The following ZGLP1 variants were observed in gnomAD, a reference collection of about 807,000 sequenced individuals.
The protein encoded by ZGLP1 is GATA-type zinc finger protein 1.
In ZGLP1, 11 loss-of-function variants were observed where a neutral mutation model predicts 21.4. That is an observed-to-expected ratio of 0.51 (90% CI 0.32 to 0.85). The LOEUF (loss-of-function observed/expected upper bound fraction) is 0.85, where lower values mean the gene tolerates loss of function less well. Ranked by LOEUF, ZGLP1 falls within the 40% of genes least tolerant of loss-of-function variation. The pLI is 0.03. For missense variants in ZGLP1, 295 were observed against 355.6 expected (o/e 0.83, Z 1.37); for synonymous variants, 148 against 145.0 (o/e 1.02, Z -0.15).
rs986672261 is a variant in ZGLP1, at chr19:10,305,693, T to C, written c.604+153A>G. On this transcript the variant is annotated intron_variant, in intron 2 of 3. Transcript: ENST00000403903. The surrounding 1 kb of genome is among the most constrained non-coding windows in gnomAD (Gnocchi z 4.7). The stretch of plus-strand genomic sequence containing the variant: ...CAGAGGAGGAAGCTGGGGGTGGGGG[T>C]GACTCAGCCCAAGTGGAGGGGGGTG... 2.8e-6 allele frequency: 2 copies of C among 724,874 alleles called. No individual in the cohort carries two copies. Among genetic ancestry groups the C allele is most frequent in the Non-Finnish European group, 4.6e-6 (2 of 431,368 alleles). 44.9% of individuals were successfully genotyped at this position (724,874 alleles called of 1,614,324 possible). A position where few individuals can be genotyped will look rare whatever the true frequency, so the allele number is the denominator to read the frequency against.
chr19:10,309,648 C>T (rs984026215), exon 1 of ZGLP1: 1 of 152,446 alleles, frequency 6.6e-6, no homozygotes, highest in African/African-American at 2.4e-5. Context: ...CGGCACCTTT[C>T]CTCTTTCTGG....
At chr19:10,307,346 CTTTTTTTTT>C (rs543276157) in intron 1 of ZGLP1, among the ~76,000 whole-genome samples, 1 of 122,988 alleles carries the variant, frequency 8.1e-6, no homozygotes, top group Non-Finnish European at 1.7e-5. Flanking sequence ...CTTCCCAAAG[CTTTTTTTTT>C]TTTTTTTTTA....
exon 1 of ZGLP1, chr19:10,308,732 C>A: frequency 1.4e-6 from 2 of 1,421,912 alleles, no homozygotes. Context: ...CAACTCACCT[C>A]GCCCACTGTG....
At chr19:10,306,528 T>C (rs2040280389) in intron 1 of ZGLP1, among the ~76,000 whole-genome samples, 1 of 152,138 alleles carries the variant, frequency 6.6e-6, no homozygotes, top group Non-Finnish European at 1.5e-5. Flanking sequence ...TCCTACTCTG[T>C]GCCTCAGTTT....
intron 1 of ZGLP1, among the ~76,000 whole-genome samples, chr19:10,307,031 G>A (rs1193118846): frequency 2.0e-5 from 3 of 151,840 alleles, no homozygotes; most frequent in Admixed American, 2.0e-4. Flanking sequence ...CTACTCCAGA[G>A]GCTGAGGCAG....
chr19:10,306,605 T>C (rs1318024687), intron 1 of ZGLP1, among the ~76,000 whole-genome samples: 2 of 151,962 alleles, frequency 1.3e-5, no homozygotes, highest in Non-Finnish European at 2.9e-5. Flanking sequence ...ATTTATTGAT[T>C]TTTAAAAAGA....
rs2040275196 is a variant in ZGLP1, at chr19:10,305,705, A to T, written c.604+141T>A. Reference sequence around the variant, plus strand: ...CTGGGGGTGGGGGTGACTCAGCCCAAGTGGAGGGGGGTGCTGCGACTCCTC... The same window carrying T: ...CTGGGGGTGGGGGTGACTCAGCCCATGTGGAGGGGGGTGCTGCGACTCCTC... On this transcript the variant is annotated intron_variant, in intron 2 of 3. Coordinates refer to ENST00000403903, the Ensembl canonical transcript of ZGLP1. This position sits in a 1 kb window ranked among gnomAD's most constrained non-coding sequence, Gnocchi z 4.7. 1.3e-6 allele frequency: 1 copy of T among 755,268 alleles called. No individual in the cohort carries two copies. The highest frequency in any genetic ancestry group is 1.8e-5 in the African/African-American group (1 of 54,306). 46.8% of individuals were successfully genotyped at this position (755,268 alleles called of 1,614,324 possible).
chr19:10,308,256 AG>A lies in ZGLP1; in HGVS notation c.425del (p.Pro142LeufsTer6), dbSNP rs1419646066. 6.3e-7 allele frequency: 1 copy of A among 1,593,912 alleles called. No individual in the cohort carries two copies. Among genetic ancestry groups the A allele is most frequent in the South Asian group, 1.1e-5 (1 of 90,550 alleles). On this transcript the variant is annotated frameshift_variant, in exon 1 of 4. Coordinates refer to ENST00000403903, the Ensembl canonical transcript of ZGLP1. LOFTEE classifies it high-confidence loss of function. Reference sequence around the variant, plus strand: ...ACTTCAGAGTCACCCCCTCGAACCCAGGGTCCACTCTCTCGGTGCCCCGGCA... The same window carrying A: ...ACTTCAGAGTCACCCCCTCGAACCCAGGTCCACTCTCTCGGTGCCCCGGCA...
At chr19:10,309,704 G>A (rs1044174499) in exon 1 of ZGLP1, 3 of 152,352 alleles carry the variant, frequency 2.0e-5, no homozygotes, top group Admixed American at 6.5e-5. Flanking sequence ...AGGGCGGCCT[G>A]GACCCCACCA....
exon 1 of ZGLP1, chr19:10,308,504 G>A: frequency 6.2e-7 from 1 of 1,610,944 alleles, no homozygotes; most frequent in Non-Finnish European, 8.5e-7. Context: ...GTCTCTTGGA[G>A]GAAGCACAGG....
At position 10,307,840 on chromosome 19, in the gene ZGLP1, T is replaced by A. The variant is rs188330094; in HGVS notation, c.497+345A>T. Among the ~76,000 whole-genome samples, 8 of 152,318 alleles carry A rather than the reference T, an allele frequency of 5.3e-5. No individual in the cohort carries two copies. In the East Asian group the frequency reaches 1.3e-3, roughly 26 times the overall value. On this transcript the variant is annotated intron_variant, in intron 1 of 3. Coordinates refer to ENST00000403903, the Ensembl canonical transcript of ZGLP1. Reference sequence around the variant, plus strand: ...CTCCCCAGGCTTTTGAATGAGCCCATACACATAAAATACTGCCTGTTAACC... The same window carrying A: ...CTCCCCAGGCTTTTGAATGAGCCCAAACACATAAAATACTGCCTGTTAACC...
chr19:10,308,234 T>G, exon 1 of ZGLP1: 3 of 1,574,326 alleles, frequency 1.9e-6, no homozygotes, highest in Non-Finnish European at 1.7e-6. Context: ...ATCTGAAACT[T>G]CAGAGTCACC....
intron 1 of ZGLP1, among the ~76,000 whole-genome samples, 155 bp downstream of exon 2, chr19:10,308,030 G>A (rs2040289146): frequency 6.6e-6 from 1 of 152,234 alleles, no homozygotes; most frequent in African/African-American, 2.4e-5. Flanking sequence ...GACTGTATCT[G>A]GCACCAGCTC....
exon 1 of ZGLP1, chr19:10,308,661 C>A: frequency 1.3e-6 from 2 of 1,500,752 alleles, no homozygotes; most frequent in Non-Finnish European, 1.8e-6. Flanking sequence ...AGGCTACACA[C>A]CCCACCTGAG....
chr19:10,308,519 T>A, exon 1 of ZGLP1: 4 of 1,607,230 alleles, frequency 2.5e-6, no homozygotes, highest in Non-Finnish European at 3.4e-6. Context: ...CACAGGGCGG[T>A]GACCGACTCC....
chr19:10,306,932 G>A (rs1186430622), intron 1 of ZGLP1, among the ~76,000 whole-genome samples: 4 of 152,060 alleles, frequency 2.6e-5, no homozygotes, highest in Admixed American at 2.6e-4. Context: ...TCAAGAGATC[G>A]AGACCATCCC....
At chr19:10,308,245 C>T in exon 1 of ZGLP1, 1 of 1,585,352 alleles carries the variant, frequency 6.3e-7, no homozygotes, top group East Asian at 2.2e-5. Context: ...CAGAGTCACC[C>T]CCTCGAACCC....
exon 4 of ZGLP1, chr19:10,304,850 T>A (rs1443448635): frequency 1.8e-6 from 1 of 561,116 alleles, no homozygotes; most frequent in East Asian, 3.0e-5. Flanking sequence ...ACAATGCTCA[T>A]CCTTCCTGAG....
chr19:10,304,995 G>A (rs1269188411), exon 4 of ZGLP1: 14 of 964,272 alleles, frequency 1.5e-5, no homozygotes, highest in Non-Finnish European at 2.1e-5. Context: ...AGGCAGGCCG[G>A]CTCTTTCCCC....
Sources: gnomAD v4.1 joint callset for allele counts (sites outside exome capture counted in the v4.1 genomes callset) on GRCh38, gnomAD v4.1.1 for gene constraint, Gnocchi (gnomAD v3.1) non-coding constraint, MANE v1.5 for transcripts, NCBI Gene and HGNC (gene_info 2026-07-23, HGNC 2026-07-21) for gene names.